NHS: variants seen among roughly 807,000 people sequenced by gnomAD.
NHS encodes the protein NHS actin remodeling regulator.
A neutral mutation model predicts 72.5 loss-of-function variants in NHS; 5 were observed. That is an observed-to-expected ratio of 0.07 (90% CI 0.04 to 0.14). The LOEUF (loss-of-function observed/expected upper bound fraction) is 0.14. Ranked by LOEUF, NHS falls within the 10% of genes least tolerant of loss-of-function variation. The probability of loss-of-function intolerance (pLI) is 1.00; values close to 1 mark genes in which losing one functional copy is unlikely to be tolerated. For synonymous variants in NHS, 464 were observed against 547.7 expected, an observed-to-expected ratio of 0.85 and a Z score of 2.13; for missense variants, 1,072 against 1,355.7, an observed-to-expected ratio of 0.79 and a Z score of 3.29.
intron 1 of NHS, among the ~76,000 whole-genome samples, chrX:17,426,289 C>T (rs780196956): frequency 2.7e-5 from 3 of 112,150 alleles, no homozygotes; most frequent in Non-Finnish European, 5.6e-5. Context: ...TATCCTAACA[C>T]GTAACATCAC....
intron 5 of NHS, among the ~76,000 whole-genome samples, chrX:17,723,027 C>T (rs1367820460): frequency 5.4e-5 from 6 of 111,529 alleles, no homozygotes; most frequent in Admixed American, 9.5e-5. Context: ...AAAATGTCTG[C>T]GTCTATATAT....
chrX:17,565,103 C>G (rs758178345), intron 1 of NHS, among the ~76,000 whole-genome samples: 4 of 110,419 alleles, frequency 3.6e-5, no homozygotes, highest in Admixed American at 1.9e-4. Context: ...TGGTGGTGTT[C>G]AAGTTTCAGA....
chrX:17,436,872 G>A (rs930281671), intron 1 of NHS, among the ~76,000 whole-genome samples: 4 of 111,501 alleles, frequency 3.6e-5, no homozygotes, highest in African/African-American at 1.3e-4. Flanking sequence ...GACAGCTGGG[G>A]AAACAGAAGA....
In NHS at chrX:17,441,831, A is replaced by T. The variant is rs779625009; in HGVS notation, c.565+65509A>T. Among the ~76,000 whole-genome samples the T allele has an allele frequency of 4.5e-5, 5 of 112,175 alleles. No homozygotes were observed. The South Asian group carries it at 1.9e-3, about 42-fold the overall frequency. On this transcript the variant is annotated intron_variant, in intron 1 of 8. Coordinates refer to ENST00000676302, the MANE Select transcript of NHS (RefSeq NM_001291867.2). ...GCCAAAATGAGTGAATGGCGCAGAGATCAGAAAAGGAGGAGCTGGGTGAGC... is the reference window on the plus strand; with the variant it reads ...GCCAAAATGAGTGAATGGCGCAGAGTTCAGAAAAGGAGGAGCTGGGTGAGC...
chrX:17,591,976 T>A (rs1200017110), intron 1 of NHS, among the ~76,000 whole-genome samples: 2 of 110,939 alleles, frequency 1.8e-5, no homozygotes, highest in Non-Finnish European at 1.9e-5. Context: ...TGCATCATAC[T>A]GCGACTGTGC....
At chrX:17,467,210 G>T (rs1392147728) in intron 1 of NHS, among the ~76,000 whole-genome samples, 1 of 111,585 alleles carries the variant, frequency 9.0e-6, no homozygotes. Context: ...TAATGAAGAT[G>T]GTCTTACTGA....
chrX:17,585,022 T>C (rs1300189809), intron 1 of NHS, among the ~76,000 whole-genome samples: 1 of 111,916 alleles, frequency 8.9e-6, no homozygotes, highest in Non-Finnish European at 1.9e-5. Context: ...AGGGTCTAGT[T>C]ATGTTGCTCA....
At chrX:17,397,733 T>G (rs1441055078) in intron 1 of NHS, among the ~76,000 whole-genome samples, 1 of 112,400 alleles carries the variant, frequency 8.9e-6, no homozygotes, top group East Asian at 2.8e-4. Flanking sequence ...ATTTATTCAT[T>G]GATTATGCAA....
At chrX:17,424,961 A>G (rs189480122) in intron 1 of NHS, among the ~76,000 whole-genome samples, 14 of 111,771 alleles carry the variant, frequency 1.3e-4, no homozygotes, top group African/African-American at 3.6e-4. Context: ...CTAAAGACCA[A>G]TAGGCGACAT....
At chrX:17,722,885 T>C (rs751536137) in intron 5 of NHS, among the ~76,000 whole-genome samples, 5 of 111,358 alleles carry the variant, frequency 4.5e-5, no homozygotes, top group South Asian at 3.8e-4. Flanking sequence ...TTATGGGCCA[T>C]TATTTTATGA....
chrX:17,481,900 C>T (rs1278914567), intron 1 of NHS, among the ~76,000 whole-genome samples: 1 of 112,113 alleles, frequency 8.9e-6, no homozygotes, highest in Non-Finnish European at 1.9e-5. Flanking sequence ...TTTTCACTTA[C>T]TCTTAGCCAA....
intron 1 of NHS, chrX:17,528,294 T>C (rs762060720): frequency 8.9e-6 from 1 of 112,322 alleles, no homozygotes; most frequent in South Asian, 3.7e-4. Flanking sequence ...AAGGAGCCCC[T>C]GATCTAGCAG....
At chrX:17,644,475 G>A (rs1461684430) in intron 1 of NHS, among the ~76,000 whole-genome samples, 1 of 111,422 alleles carries the variant, frequency 9.0e-6, no homozygotes, top group African/African-American at 3.3e-5. Flanking sequence ...ACTTTTTTGG[G>A]GGAAGCCTTC....
chrX:17,668,244 T>C (rs1023766785), intron 1 of NHS, among the ~76,000 whole-genome samples: 2 of 110,687 alleles, frequency 1.8e-5, no homozygotes, highest in African/African-American at 6.6e-5. Flanking sequence ...CTGGGTGACA[T>C]AGTGAGACCT....
intron 1 of NHS, among the ~76,000 whole-genome samples, chrX:17,463,174 A>G (rs770353485): frequency 1.8e-5 from 2 of 112,216 alleles, no homozygotes; most frequent in Non-Finnish European, 3.8e-5. Flanking sequence ...AAATCTGACA[A>G]CAGCTTATAA....
intron 1 of NHS, among the ~76,000 whole-genome samples, chrX:17,554,714 C>T (rs2146962285): frequency 8.9e-6 from 1 of 112,229 alleles, no homozygotes; most frequent in South Asian, 3.7e-4. Context: ...TGTTGAGACG[C>T]GTGTCTGTCT....
intron 1 of NHS, among the ~76,000 whole-genome samples, chrX:17,465,403 C>T (rs1283173594): frequency 2.7e-5 from 3 of 111,380 alleles, no homozygotes; most frequent in Non-Finnish European, 3.8e-5. Context: ...TCAAGACAGC[C>T]GCAGAGATAT....
intron 1 of NHS, among the ~76,000 whole-genome samples, chrX:17,512,560 G>C (rs1444322266): frequency 1.8e-5 from 2 of 112,015 alleles, no homozygotes; most frequent in Non-Finnish European, 3.8e-5. Flanking sequence ...GTGTGTGTAT[G>C]TGTGTGCATT....
chrX:17,644,588 CAAGGG>C (rs1309701342), intron 1 of NHS, among the ~76,000 whole-genome samples: 1 of 110,854 alleles, frequency 9.0e-6, no homozygotes, highest in East Asian at 2.8e-4. Flanking sequence ...GTAGTGCTTC[CAAGGG>C]AAGAGGGTGA....
Sources: allele counts gnomAD v4.1 joint callset (sites outside exome capture counted in the v4.1 genomes callset), GRCh38; gene constraint gnomAD v4.1.1; transcripts MANE v1.5; gene names NCBI Gene and HGNC (gene_info 2026-07-23, HGNC 2026-07-21).